Variants in EYS observed in about 807,000 individuals in gnomAD.
The protein encoded by EYS is EGF-like photoreceptor maintenance factor.
In EYS, 250 loss-of-function variants were observed where a neutral mutation model predicts 282.1. That is an observed-to-expected ratio of 0.89 (90% confidence interval 0.80 to 0.98). The LOEUF (loss-of-function observed/expected upper bound fraction) is 0.98. Among genes scored for constraint, EYS ranks in the 50% least tolerant of loss-of-function variants. The probability of loss-of-function intolerance (pLI) is 0.00; values close to 1 mark genes in which losing one functional copy is unlikely to be tolerated. For synonymous variants in EYS, 1,355 were observed against 1,282.9 expected (o/e 1.06, Z -1.20); for missense variants, 4,016 against 3,709.0 (o/e 1.08, Z -2.15).
At chr6:65,395,095 C>T (rs1054184909) in intron 7 of EYS, among the ~76,000 whole-genome samples, 1 of 152,216 alleles carries the variant, frequency 6.6e-6, no homozygotes, top group Non-Finnish European at 1.5e-5. Flanking sequence ...CAGAGTTTCG[C>T]TCTTGTGGCC....
At chr6:64,836,462 T>C (rs1765386508) in intron 19 of EYS, among the ~76,000 whole-genome samples, 2 of 151,558 alleles carry the variant, frequency 1.3e-5, no homozygotes, top group Admixed American at 1.3e-4. Context: ...GGGTTATCTC[T>C]GTAGACAATT....
intron 14 of EYS, among the ~76,000 whole-genome samples, chr6:64,959,660 T>A (rs1367905862): frequency 1.3e-5 from 2 of 151,992 alleles, no homozygotes; most frequent in Non-Finnish European, 2.9e-5. Context: ...AACTCAGTGA[T>A]TTTTTTTACT....
chr6:65,305,373 G>T (rs546688754), intron 11 of EYS, among the ~76,000 whole-genome samples: 1 of 152,202 alleles, frequency 6.6e-6, no homozygotes, highest in Non-Finnish European at 1.5e-5. Flanking sequence ...GATGAAGACA[G>T]CTGCTACCAT....
intron 22 of EYS, among the ~76,000 whole-genome samples, chr6:64,641,176 G>A (rs1433685670): frequency 6.6e-6 from 1 of 152,170 alleles, no homozygotes; most frequent in African/African-American, 2.4e-5. Context: ...GGCTAGGGTA[G>A]CCTCACAATC....
At chr6:64,004,549 C>A (rs879017921) in intron 33 of EYS, among the ~76,000 whole-genome samples, 1 of 151,870 alleles carries the variant, frequency 6.6e-6, no homozygotes, top group African/African-American at 2.4e-5. Flanking sequence ...TAGATTATTT[C>A]ATCACCCAGG....
At chr6:65,317,931 G>C (rs887925087) in intron 11 of EYS, among the ~76,000 whole-genome samples, 3 of 147,232 alleles carry the variant, frequency 2.0e-5, no homozygotes, top group Admixed American at 6.8e-5. Context: ...GCAGTGGTGC[G>C]ATCTCGGCTC....
In EYS at chr6:64,553,240, A is replaced by C. The variant is rs189986076; in HGVS notation, c.5644+36983T>G. Among the ~76,000 whole-genome samples the C allele has an allele frequency of 1.8e-4, 27 of 152,294 alleles. No individual in the cohort carries two copies. In the East Asian group the frequency reaches 5.2e-3, roughly 29 times the overall value. ...TTGTCAACAAAATGTAAAGCATTAA[A>C]AGAAATTAGCCAGCAATATACTTAA... is the stretch of plus-strand genomic sequence containing the variant. On this transcript the variant is annotated intron_variant, in intron 26 of 42. Coordinates refer to ENST00000503581, the MANE Select transcript of EYS (RefSeq NM_001142800.2).
At chr6:64,738,293 G>A (rs148520683) in intron 22 of EYS, among the ~76,000 whole-genome samples, 92 of 152,230 alleles carry the variant, frequency 6.0e-4, no homozygotes, top group African/African-American at 1.8e-3. Flanking sequence ...AATAGTTAGC[G>A]TGTGTCTGAC....
chr6:64,341,246 T>C (rs1771097203), intron 29 of EYS, among the ~76,000 whole-genome samples: 1 of 151,726 alleles, frequency 6.6e-6, no homozygotes, highest in African/African-American at 2.4e-5. Flanking sequence ...AAAAGACACA[T>C]TGAATCATAT....
intron 35 of EYS, among the ~76,000 whole-genome samples, chr6:63,875,688 G>C (rs910102541): frequency 6.6e-6 from 1 of 152,080 alleles, no homozygotes; most frequent in African/African-American, 2.4e-5. Context: ...CTTCTTCCTG[G>C]TTTAGTCTTG....
chr6:63,850,659 A>G (rs1772223164), intron 36 of EYS, among the ~76,000 whole-genome samples: 1 of 152,238 alleles, frequency 6.6e-6, no homozygotes, highest in African/African-American at 2.4e-5. Flanking sequence ...CAGCCTTACA[A>G]GAGCTCCTAA....
intron 30 of EYS, among the ~76,000 whole-genome samples, chr6:64,265,994 G>A (rs559864215): frequency 7.6e-4 from 116 of 151,954 alleles, no homozygotes; most frequent in African/African-American, 2.6e-3. Flanking sequence ...TTCAGATTCA[G>A]GTACTCACAG....
intron 21 of EYS, among the ~76,000 whole-genome samples, chr6:64,814,599 G>C (rs1481553578): frequency 6.6e-6 from 1 of 151,946 alleles, no homozygotes; most frequent in Admixed American, 6.6e-5. Context: ...TATACTTACA[G>C]TGTGGAAAAC....
chr6:64,339,637 C>G (rs113968179), intron 29 of EYS, among the ~76,000 whole-genome samples: 5,290 of 151,810 alleles, frequency 0.035, 219 homozygotes, highest in African/African-American at 0.096. Context: ...GGGTATCTGC[C>G]CAGAGGAAAA....
intron 26 of EYS, among the ~76,000 whole-genome samples, chr6:64,556,639 T>C (rs2149809026): frequency 6.6e-6 from 1 of 152,054 alleles, no homozygotes; most frequent in Non-Finnish European, 1.5e-5. Flanking sequence ...CTCAATAAAC[T>C]TAATTTTAGA....
intron 13 of EYS, among the ~76,000 whole-genome samples, chr6:65,014,592 G>A (rs1312605213): frequency 6.6e-6 from 1 of 152,088 alleles, no homozygotes; most frequent in Admixed American, 6.6e-5. Context: ...GCCAGAAGAT[G>A]AGAAAGTTCA....
At chr6:65,020,237 T>C (rs1772207781) in intron 13 of EYS, among the ~76,000 whole-genome samples, 1 of 152,132 alleles carries the variant, frequency 6.6e-6, no homozygotes, top group Non-Finnish European at 1.5e-5. Flanking sequence ...CAAAGTCTCA[T>C]CTGAGACAAG....
At chr6:64,569,026 GAAAAAAA>G (rs4034162) in intron 26 of EYS, among the ~76,000 whole-genome samples, 1 of 101,728 alleles carries the variant, frequency 9.8e-6, no homozygotes, top group Non-Finnish European at 1.9e-5. Flanking sequence ...AGATGGAAAA[GAAAAAAA>G]AAAAAAAAAA....
At chr6:63,830,887 C>T (rs1771613431) in intron 36 of EYS, among the ~76,000 whole-genome samples, 1 of 152,126 alleles carries the variant, frequency 6.6e-6, no homozygotes, top group Non-Finnish European at 1.5e-5. Context: ...ACTCTTAAAG[C>T]CAGGAGAGAG....
Sources: allele counts gnomAD v4.1 joint callset (sites outside exome capture counted in the v4.1 genomes callset), GRCh38; gene constraint gnomAD v4.1.1; transcripts MANE v1.5; gene names NCBI Gene and HGNC (gene_info 2026-07-23, HGNC 2026-07-21).